Variants in EPHA10 observed in about 807,000 individuals in gnomAD.
EPHA10 encodes ephrin type-A receptor 10.
EPHA10 carries 120 observed loss-of-function variants against 109.7 expected under a neutral mutation model. That is an observed-to-expected ratio of 1.09 (90% CI 0.94 to 1.27). The LOEUF is 1.27. Among genes scored for constraint, EPHA10 ranks in the 50% most tolerant of loss-of-function variants. The pLI is 0.00. For missense variants in EPHA10, 1,396 were observed against 1,411.1 expected (o/e 0.99, Z 0.17); for synonymous variants, 640 against 618.9 (o/e 1.03, Z -0.51).
At position 37,728,552 on chromosome 1, in the gene EPHA10, G is replaced by A. The variant is rs144846674; in HGVS notation, c.1664-1342C>T. ...ACAGGGAGGAGAAAGGTCCAAGTCT[G>A]GGGACTAGCAGGTGGGTGCAGCAAG... On this transcript the variant is annotated intron_variant, in intron 7 of 16. Coordinates refer to ENST00000373048, the MANE Select transcript of EPHA10 (RefSeq NM_001099439.2). Among the ~76,000 whole-genome samples the A allele has an allele frequency of 2.0e-5, 3 of 152,314 alleles. No homozygotes were observed. The East Asian group carries it at 5.8e-4, about 29-fold the overall frequency.
rs1301488571 is a variant in EPHA10 at position 37,765,025 on chromosome 1, G to A, written c.42C>T (p.Leu14=). Residue 14 remains leucine, a synonymous_variant, in exon 1 of 17, where the codon CTC becomes CTT. Transcript: ENST00000373048. ...GCGCGAGACAGAGCTGCATCCGGCA[G>A]AGGAAGAGGCGCAGCGGGTGTGGAC... ...CAGPHPLRLF[L]CRMQLCLALL... The A allele has an allele frequency of 1.2e-6, 2 of 1,610,576 alleles. No homozygotes were observed. The highest frequency in any genetic ancestry group is 1.1e-5 in the South Asian group (1 of 90,530).
intron 5 of EPHA10, among the ~76,000 whole-genome samples, chr1:37,741,009 G>T (rs1405966695): frequency 6.6e-6 from 1 of 152,204 alleles, no homozygotes; most frequent in African/African-American, 2.4e-5. Flanking sequence ...AAGACCAAGG[G>T]TGGGCAAGGT....
chr1:37,720,461 G>A lies in EPHA10; in HGVS notation c.2302C>T (p.His768Tyr). The A allele has an allele frequency of 6.2e-7, 1 of 1,613,634 alleles. No individual in the cohort carries two copies. Among genetic ancestry groups the A allele is most frequent in the Non-Finnish European group, 8.5e-7 (1 of 1,180,024 alleles). ...MKYLSEMGYV[H>Y]RGLAARHVLV... is the part of the protein sequence containing the mutation. ...ACATGGCGAGCTGCCAGGCCCCGGTGAACGTAGCCCATCTCTGACAGATAC... is the reference window on the plus strand; with the variant it reads ...ACATGGCGAGCTGCCAGGCCCCGGTAAACGTAGCCCATCTCTGACAGATAC... The change falls in exon 13 of 17, where the codon CAC (histidine) becomes TAC (tyrosine). Residue 768 changes from histidine (H) to tyrosine (Y), a missense_variant. His to Tyr is a moderately conservative substitution (Grantham distance 83). Transcript: ENST00000373048.
Position 37,761,289 on chromosome 1 carries a change from A to G in EPHA10, c.850+116T>C, listed in dbSNP as rs1646427266. 4 of 1,536,504 alleles carry G rather than the reference A, an allele frequency of 2.6e-6. No homozygotes were observed. In the East Asian group the frequency reaches 9.0e-5, roughly 35 times the overall value. ...GGCTCTCCTTGGGCTCCAGAGTCCA[A>G]GGCTTCTCCACCGCCCCCCGACCCC... On this transcript the variant is annotated intron_variant, in intron 3 of 16. Transcript: ENST00000373048.
intron 5 of EPHA10, among the ~76,000 whole-genome samples, chr1:37,747,970 T>C (rs1011756768): frequency 1.3e-5 from 2 of 152,172 alleles, no homozygotes; most frequent in Non-Finnish European, 2.9e-5. Flanking sequence ...GAAATGTATA[T>C]ACATTTCTAA....
intron 3 of EPHA10, chr1:37,760,537 CT>C: frequency 2.5e-6 from 2 of 806,076 alleles, no homozygotes; most frequent in Non-Finnish European, 3.1e-6. Context: ...AAAATCCCCC[CT>C]GCCAGCCTCT....
intron 5 of EPHA10, 91 bp from the exon 6 acceptor site, chr1:37,735,481 G>C: frequency 6.8e-7 from 1 of 1,464,716 alleles, no homozygotes; most frequent in Non-Finnish European, 9.2e-7. Flanking sequence ...GCGGGGCTGT[G>C]GGACCGGACT....
chr1:37,733,941 G>T (rs1365326244), intron 6 of EPHA10, among the ~76,000 whole-genome samples: 1 of 152,236 alleles, frequency 6.6e-6, no homozygotes, highest in South Asian at 2.1e-4. Flanking sequence ...CTCCAAGCCT[G>T]CCCTTCCACC....
intron 14 of EPHA10, 72 bp from the exon 15 acceptor site, chr1:37,719,679 T>C (rs1030163258): frequency 4.2e-5 from 64 of 1,529,990 alleles, no homozygotes; most frequent in Non-Finnish European, 5.3e-5. Flanking sequence ...CACACACACA[T>C]GCACACACAC....
rs900783023 is a variant in EPHA10, at chr1:37,764,334, T to C, written c.106+627A>G. ...GGATTCTGCACCTAGATATGACGCC[T>C]CTGGATTCAACTGAGCGTATAGCTC... On this transcript the variant is annotated intron_variant, in intron 1 of 16. Coordinates refer to ENST00000373048, the MANE Select transcript of EPHA10 (RefSeq NM_001099439.2). This position sits in a 1 kb window ranked among gnomAD's most constrained non-coding sequence, Gnocchi z 5.8. Among the ~76,000 whole-genome samples, 1 of 152,170 alleles carries C rather than the reference T, an allele frequency of 6.6e-6. No individual in the cohort carries two copies. The highest frequency in any genetic ancestry group is 2.4e-5 in the African/African-American group (1 of 41,438).
chr1:37,731,354 A>T (rs750141105), intron 7 of EPHA10, 57 bp downstream of exon 7: 4 of 1,488,186 alleles, frequency 2.7e-6, no homozygotes, highest in Non-Finnish European at 3.6e-6. Flanking sequence ...TCCCTACCTC[A>T]GCCCCGTGCA....
chr1:37,743,702 A>AT (rs1412956495), intron 5 of EPHA10, among the ~76,000 whole-genome samples: 2 of 152,224 alleles, frequency 1.3e-5, no homozygotes, highest in Non-Finnish European at 2.9e-5. Context: ...CTCATTGTAA[A>AT]ATAGGTGATT....
At chr1:37,762,986 A>G in intron 1 of EPHA10, 137 bp from the exon 2 acceptor site, 2 of 745,048 alleles carry the variant, frequency 2.7e-6, no homozygotes, top group South Asian at 1.9e-5. Flanking sequence ...AGTTTTTCCC[A>G]CTCCATACAT....
At position 37,754,328 on chromosome 1, in the gene EPHA10, AG is replaced by A; in HGVS notation, c.892del (p.Leu298SerfsTer51). 1 of 1,315,928 alleles carries A rather than the reference AG, an allele frequency of 7.6e-7. No homozygotes were observed. Among genetic ancestry groups the A allele is most frequent in the Non-Finnish European group, 9.7e-7 (1 of 1,026,740 alleles). The allele number at this position is 1,315,928 out of a possible 1,614,324, so 81.5% of individuals were successfully genotyped here. On this transcript the variant is annotated frameshift_variant, in exon 4 of 17. Coordinates refer to ENST00000373048, the MANE Select transcript of EPHA10 (RefSeq NM_001099439.2). LOFTEE classifies it high-confidence loss of function. The surrounding 1 kb of genome is among the most constrained non-coding windows in gnomAD (Gnocchi z 4.5). ...GFYKVSPRRP[L>X]CSPCPEHSRA... ...GCTGTGCTCTGGGCACGGTGAGCAGAGGGGCCGCCGCGGGGACACCTTGTAA... is the reference window on the plus strand; with the variant it reads ...GCTGTGCTCTGGGCACGGTGAGCAGAGGGCCGCCGCGGGGACACCTTGTAA...
At chr1:37,752,800 C>A (rs1451718254) in intron 5 of EPHA10, 76 bp downstream of exon 5, 1 of 1,088,816 alleles carries the variant, frequency 9.2e-7, no homozygotes, top group African/African-American at 1.6e-5. Flanking sequence ...TCCCGCAGGA[C>A]CGACGGGGCG....
At position 37,718,411 on chromosome 1, in the gene EPHA10, T is replaced by C. The variant is rs1468920331; in HGVS notation, c.2988A>G (p.Ala996=). ...CCTGGCCCTGCAGCTGGAGCACTCG[T>C]GCCTGCAGGGCGCTGATCCCGCTGA... ...ALLSGISALQ[A]RVLQLQGQGV... Residue 996 remains alanine, a synonymous_variant, in exon 17 of 17, where the codon GCA becomes GCG. Transcript: ENST00000373048. 4 of 1,613,018 alleles carry C rather than the reference T, an allele frequency of 2.5e-6. No homozygotes were observed. Among genetic ancestry groups the C allele is most frequent in the Non-Finnish European group, 3.4e-6 (4 of 1,179,858 alleles).
rs1408967747 is a variant in EPHA10 at position 37,718,639 on chromosome 1, G to C, written c.2912+22C>G. Reference sequence around the variant, plus strand: ...TGTGGAATCCCCCAGCCCCGGCCTTGACCTTGGTGCCTTGGACTCACTGGG... The same window carrying C: ...TGTGGAATCCCCCAGCCCCGGCCTTCACCTTGGTGCCTTGGACTCACTGGG... On this transcript the variant is annotated intron_variant, in intron 16 of 16. Coordinates refer to ENST00000373048, the MANE Select transcript of EPHA10 (RefSeq NM_001099439.2). The C allele has an allele frequency of 1.9e-6, 3 of 1,613,010 alleles. No homozygotes were observed. In the African/African-American group the frequency reaches 4.0e-5, roughly 22 times the overall value.
At chr1:37,756,262 A>G (rs1401619845) in intron 3 of EPHA10, among the ~76,000 whole-genome samples, 2 of 152,144 alleles carry the variant, frequency 1.3e-5, no homozygotes, top group Non-Finnish European at 2.9e-5. Flanking sequence ...AGGAATAACA[A>G]CCATGCCCTG....
At chr1:37,723,518 GCTT>G in intron 8 of EPHA10, 146 bp from the exon 9 acceptor site, 1 of 931,666 alleles carries the variant, frequency 1.1e-6, no homozygotes, top group Non-Finnish European at 1.6e-6. Context: ...TGGTTTAAAA[GCTT>G]CTCTGTGGTT....
Sources: gnomAD v4.1 joint callset for allele counts (sites outside exome capture counted in the v4.1 genomes callset) on GRCh38, gnomAD v4.1.1 for gene constraint, Gnocchi (gnomAD v3.1) non-coding constraint, MANE v1.5 for transcripts, NCBI Gene and HGNC (gene_info 2026-07-23, HGNC 2026-07-21) for gene names.